The following ARHGEF9 variants were observed in gnomAD, a reference collection of about 807,000 sequenced individuals.
ARHGEF9 encodes the protein Cdc42 guanine nucleotide exchange factor 9.
Under a neutral mutation model 41.3 loss-of-function variants are expected in ARHGEF9, and 2 were observed. That is an observed-to-expected ratio of 0.05 (90% confidence interval 0.02 to 0.15). The LOEUF is 0.15. Among genes scored for constraint, ARHGEF9 ranks in the 10% least tolerant of loss-of-function variants. ARHGEF9 has a pLI of 1.00. For missense variants in ARHGEF9, 225 were observed against 424.7 expected, an observed-to-expected ratio of 0.53 and a Z score of 4.13; for synonymous variants, 160 against 154.4, an observed-to-expected ratio of 1.04 and a Z score of -0.27.
intron 1 of ARHGEF9, among the ~76,000 whole-genome samples, chrX:63,777,637 A>C (rs1382513538): frequency 8.9e-6 from 1 of 112,637 alleles, no homozygotes; most frequent in African/African-American, 3.2e-5. Context: ...AGATACAATG[A>C]AATTATAGAC....
intron 1 of ARHGEF9, chrX:63,766,990 T>G (rs2056123800): frequency 4.6e-6 from 3 of 652,200 alleles, no homozygotes; most frequent in Non-Finnish European, 7.4e-6. Flanking sequence ...AAACTTCAGT[T>G]CTCCTTAAAG....
chrX:63,649,059 A>G (rs1355237591), intron 8 of ARHGEF9, among the ~76,000 whole-genome samples: 1 of 111,336 alleles, frequency 9.0e-6, no homozygotes, highest in Non-Finnish European at 1.9e-5. Flanking sequence ...AAAAGTTAAC[A>G]AGGATATCCA....
Position 63,694,039 on chromosome X carries a change from T to C in ARHGEF9, c.582+3086A>G, listed in dbSNP as rs149119616. On this transcript the variant is annotated intron_variant, in intron 4 of 9. Transcript: ENST00000671741. The stretch of plus-strand genomic sequence containing the variant: ...CTCTACTAAAAAGACAAAAATTAGC[T>C]GGGTGTAATGGCACATGCCTGTAAT... Among the ~76,000 whole-genome samples, 259 of 110,359 alleles carry C rather than the reference T, an allele frequency of 2.3e-3. 1 individual carries two copies. Among genetic ancestry groups the C allele is most frequent in the African/African-American group, 8.2e-3 (248 of 30,283 alleles).
Position 63,635,373 on chromosome X carries a change from G to A in ARHGEF9, c.*2655C>T. On this transcript the variant is annotated 3_prime_UTR_variant, in exon 10 of 10. Coordinates refer to ENST00000671741, the MANE Select transcript of ARHGEF9 (RefSeq NM_001353921.2). The stretch of plus-strand genomic sequence containing the variant: ...ACACACTAGCAAAGCCTTTTGGAGA[G>A]CAAATCCTGGCCTCACTGAGTTGAG... The A allele has an allele frequency of 3.8e-6, 2 of 522,040 alleles. No homozygotes were observed. The highest frequency in any genetic ancestry group is 7.0e-6 in the Non-Finnish European group (2 of 285,904). 43.0% of individuals were successfully genotyped at this position (522,040 alleles called of 1,213,427 possible).
intron 9 of ARHGEF9, among the ~76,000 whole-genome samples, chrX:63,643,360 C>CTT (rs548964367): frequency 0.03 from 2,955 of 98,203 alleles, 83 homozygotes; most frequent in African/African-American, 0.078. Context: ...TATCTTTATA[C>CTT]TTTTTTTTTT....
At chrX:63,736,157 C>T (rs1397541043) in intron 1 of ARHGEF9, among the ~76,000 whole-genome samples, 3 of 111,843 alleles carry the variant, frequency 2.7e-5, no homozygotes, top group African/African-American at 6.5e-5. Flanking sequence ...AGGGATACAA[C>T]GACTAAACCT....
chrX:63,654,235 T>C (rs2048745398), intron 8 of ARHGEF9, among the ~76,000 whole-genome samples: 1 of 111,438 alleles, frequency 9.0e-6, no homozygotes, highest in Non-Finnish European at 1.9e-5. Context: ...GCTTTTCTAT[T>C]AGAAGCAGAT....
At chrX:63,772,603 A>G (rs1450855407) in intron 1 of ARHGEF9, among the ~76,000 whole-genome samples, 4 of 111,795 alleles carry the variant, frequency 3.6e-5, no homozygotes, top group Non-Finnish European at 7.5e-5. Context: ...AACATTCTCA[A>G]GGTCACATAG....
chrX:63,637,802 T>C lies in ARHGEF9; in HGVS notation c.*226A>G, dbSNP rs1197743175. On this transcript the variant is annotated 3_prime_UTR_variant, in exon 10 of 10. Coordinates refer to ENST00000671741, the MANE Select transcript of ARHGEF9 (RefSeq NM_001353921.2). ...TACCTCTTCCTACCAACCACATATT[T>C]CACTTCCCCAAAACAACAGAAAACA... is the stretch of plus-strand genomic sequence containing the variant. 1.1e-4 allele frequency: 34 copies of C among 303,154 alleles called. No homozygotes were observed. Among genetic ancestry groups the C allele is most frequent in the African/African-American group, 2.8e-5 (1 of 36,309 alleles). 25.0% of individuals were successfully genotyped at this position (303,154 alleles called of 1,213,427 possible).
rs1206669266 is a variant in ARHGEF9 at position 63,674,189 on chromosome X, A to C, written c.816-22T>G. 47 of 1,206,814 alleles carry C rather than the reference A, an allele frequency of 3.9e-5. No homozygotes were observed. In the Middle Eastern group the frequency reaches 7.0e-4, roughly 18 times the overall value. ...GTCACTGTGAAAACAAAAGAGTGCA[A>C]GTTGAACCAACCAATGTGCCAAAGA... On this transcript the variant is annotated intron_variant, in intron 5 of 9. Coordinates refer to ENST00000671741, the MANE Select transcript of ARHGEF9 (RefSeq NM_001353921.2).
intron 4 of ARHGEF9, 119 bp downstream of exon 4, chrX:63,697,006 A>G (rs2051798190): frequency 1.3e-6 from 1 of 776,026 alleles, no homozygotes; most frequent in African/African-American, 2.1e-5. Context: ...TGAAGGCCCA[A>G]GAGGAACCCA....
At chrX:63,752,488 A>C (rs2055712309) in intron 1 of ARHGEF9, among the ~76,000 whole-genome samples, 1 of 112,168 alleles carries the variant, frequency 8.9e-6, no homozygotes, top group African/African-American at 3.2e-5. Context: ...ACTTTAAATA[A>C]TACAATGAAG....
intron 1 of ARHGEF9, among the ~76,000 whole-genome samples, chrX:63,770,550 A>G (rs781928468): frequency 6.2e-5 from 7 of 112,353 alleles, no homozygotes; most frequent in Non-Finnish European, 1.1e-4. Context: ...GACTGTTGGA[A>G]AGGCAAAATT....
At chrX:63,737,330 G>A (rs781961741) in intron 1 of ARHGEF9, among the ~76,000 whole-genome samples, 3 of 112,216 alleles carry the variant, frequency 2.7e-5, no homozygotes, top group South Asian at 3.7e-4. Flanking sequence ...CAGATCCAGC[G>A]CCTCTCTGAG....
At chrX:63,643,668 G>A (rs1454966771) in intron 9 of ARHGEF9, among the ~76,000 whole-genome samples, 2 of 108,394 alleles carry the variant, frequency 1.8e-5, no homozygotes, top group Non-Finnish European at 3.8e-5. Flanking sequence ...TAAAGATCAT[G>A]TTGTCCATTG....
At chrX:63,707,149 G>A (rs2052596306) in intron 2 of ARHGEF9, among the ~76,000 whole-genome samples, 4 of 111,412 alleles carry the variant, frequency 3.6e-5, no homozygotes, top group African/African-American at 1.3e-4. Context: ...ACAGGAAGCA[G>A]AGGAGCTGGG....
chrX:63,645,509 G>A (rs1248462128), intron 8 of ARHGEF9, among the ~76,000 whole-genome samples: 2 of 111,329 alleles, frequency 1.8e-5, no homozygotes, highest in Non-Finnish European at 3.8e-5. Context: ...ATAGTTTGCT[G>A]AGAATGATGG....
rs781938857 is a variant in ARHGEF9 at position 63,666,008 on chromosome X, T to C, written c.955A>G (p.Ile319Val). 5.9e-6 allele frequency: 7 copies of C among 1,188,590 alleles called. No homozygotes were observed. The South Asian group carries it at 7.1e-5, about 12-fold the overall frequency. ...ASVLDWEGED[I>V]LDRSSELIYT... ...ATCAGCTCCGAGCTCCTGTCTAGGATGTCCTCGCCCTGGGAAGGACATGTG... is the reference window on the plus strand; with the variant it reads ...ATCAGCTCCGAGCTCCTGTCTAGGACGTCCTCGCCCTGGGAAGGACATGTG... The change falls in exon 7 of 10, where the codon ATC becomes GTC. Residue 319 changes from isoleucine to valine, a missense_variant. Transcript: ENST00000671741.
At chrX:63,695,315 T>C (rs782416245) in intron 4 of ARHGEF9, among the ~76,000 whole-genome samples, 2 of 112,057 alleles carry the variant, frequency 1.8e-5, no homozygotes, top group East Asian at 2.8e-4. Context: ...GGTACATACA[T>C]CTAGTCTTCG....
Sources: gnomAD v4.1 joint callset for allele counts (sites outside exome capture counted in the v4.1 genomes callset) on GRCh38, gnomAD v4.1.1 for gene constraint, MANE v1.5 for transcripts, NCBI Gene and HGNC (gene_info 2026-07-23, HGNC 2026-07-21) for gene names.